TMEM178B: variants seen among roughly 807,000 people sequenced by gnomAD.
TMEM178B encodes transmembrane protein 178B.
In TMEM178B, 5 loss-of-function variants were observed where a neutral mutation model predicts 31.0. The observed-to-expected ratio is 0.16, with a 90% CI of 0.08 to 0.34. TMEM178B has a LOEUF of 0.34. Among genes scored for constraint, TMEM178B ranks in the 10% least tolerant of loss-of-function variants. The pLI, the probability that TMEM178B is intolerant of heterozygous loss-of-function variation, is 1.00. For synonymous variants in TMEM178B, 164 were observed against 164.0 expected, an observed-to-expected ratio of 1.00 and a Z score of 0.00; for missense variants, 275 against 400.3, an observed-to-expected ratio of 0.69 and a Z score of 2.67.
intron 2 of TMEM178B, among the ~76,000 whole-genome samples, chr7:141,259,413 C>T (rs888888421): frequency 4.6e-5 from 7 of 152,274 alleles, no homozygotes; most frequent in Admixed American, 1.3e-4. Flanking sequence ...TGAAGTCTGT[C>T]TGGTGATTCC....
chr7:141,247,822 T>C (rs940839795), intron 2 of TMEM178B, among the ~76,000 whole-genome samples: 4 of 152,182 alleles, frequency 2.6e-5, no homozygotes. Context: ...AGGATATACA[T>C]ATACTAAAAA....
the TMEM178B span, among the ~76,000 whole-genome samples, chr7:141,493,483 T>C: frequency 1.3e-5 from 2 of 151,820 alleles, no homozygotes; most frequent in Admixed American, 1.3e-4. Flanking sequence ...ATCCAGCTCA[T>C]GGAGAAAATA....
intron 2 of TMEM178B, among the ~76,000 whole-genome samples, chr7:141,425,392 T>C (rs893034891): frequency 2.0e-5 from 3 of 152,184 alleles, no homozygotes; most frequent in African/African-American, 7.2e-5. Flanking sequence ...ATGTGTGATA[T>C]AGGGAAGGAG....
intron 2 of TMEM178B, among the ~76,000 whole-genome samples, chr7:141,432,781 G>A (rs1434461180): frequency 6.6e-6 from 1 of 152,154 alleles, no homozygotes; most frequent in Non-Finnish European, 1.5e-5. Flanking sequence ...GCTTTTCTCA[G>A]ATATATGAAG....
intron 1 of TMEM178B, among the ~76,000 whole-genome samples, chr7:141,139,606 T>G (rs1795734207): frequency 6.6e-6 from 1 of 151,890 alleles, no homozygotes; most frequent in African/African-American, 2.4e-5. Context: ...CCTCCCAAAG[T>G]GCTGGGACTA....
intron 1 of TMEM178B, among the ~76,000 whole-genome samples, chr7:141,202,372 C>T (rs906909092): frequency 6.6e-4 from 1 of 1,522 alleles, no homozygotes; most frequent in South Asian, 9.4e-3. Flanking sequence ...GTCGGGTGGG[C>T]GGGTGGGTGA....
intron 3 of TMEM178B, among the ~76,000 whole-genome samples, chr7:141,448,714 G>T (rs1013124237): frequency 3.3e-5 from 5 of 152,136 alleles, no homozygotes; most frequent in African/African-American, 9.7e-5. Context: ...CTCCCACCTG[G>T]CCTGCCTCCA....
At chr7:141,482,321 C>T (rs1283188828), downstream of TMEM178B, among the ~76,000 whole-genome samples, 1 of 152,136 alleles carries the variant, frequency 6.6e-6, no homozygotes, top group Non-Finnish European at 1.5e-5. Flanking sequence ...TGAACACCCA[C>T]CTGGGCGAAG....
intron 2 of TMEM178B, among the ~76,000 whole-genome samples, chr7:141,215,828 TTCTTTCTTTCTTTTC>T: frequency 2.0e-5 from 1 of 48,876 alleles, no homozygotes; most frequent in African/African-American, 5.0e-5. Flanking sequence ...CTTTCTTTCT[TTCTTTCTTTCTTTTC>T]TTTTCTTTTC....
chr7:141,389,710 G>A lies in TMEM178B; in HGVS notation c.497-47898G>A, dbSNP rs780679988. Among the ~76,000 whole-genome samples, 17 of 152,238 alleles carry A rather than the reference G, an allele frequency of 1.1e-4. 1 individual carries two copies. Among genetic ancestry groups the A allele is most frequent in the South Asian group, 2.1e-4 (1 of 4,824 alleles). ...ATTGTCCTTGATCAGTGTCAAAGCCGTTATTATTAGGAGATGTCTAAATGA... is the reference window on the plus strand; with the variant it reads ...ATTGTCCTTGATCAGTGTCAAAGCCATTATTATTAGGAGATGTCTAAATGA... On this transcript the variant is annotated intron_variant, in intron 2 of 3. Transcript: ENST00000565468.
At chr7:141,451,105 C>T (rs1439105738) in intron 3 of TMEM178B, among the ~76,000 whole-genome samples, 2 of 152,146 alleles carry the variant, frequency 1.3e-5, no homozygotes, top group South Asian at 2.1e-4. Context: ...AGGAGGAAGA[C>T]AGGTCAAGAA....
At chr7:141,304,411 C>T (rs1798778966) in intron 2 of TMEM178B, among the ~76,000 whole-genome samples, 1 of 152,080 alleles carries the variant, frequency 6.6e-6, no homozygotes, top group African/African-American at 2.4e-5. Context: ...CTGTGCACTG[C>T]CTGCCACCCC....
Position 141,477,320 on chromosome 7 carries a change from A to G in TMEM178B, c.*6534A>G, listed in dbSNP as rs1802390703. On this transcript the variant is annotated 3_prime_UTR_variant, in exon 4 of 4. Coordinates refer to ENST00000565468, the MANE Select transcript of TMEM178B (RefSeq NM_001195278.2). ...GGGGAGGGAGATTGAGATTAAACAAATGCAATGATGTAGCCCTTAGTTTTC... is the reference window on the plus strand; with the variant it reads ...GGGGAGGGAGATTGAGATTAAACAAGTGCAATGATGTAGCCCTTAGTTTTC... 1 of 154,614 alleles carries G rather than the reference A, an allele frequency of 6.5e-6. No individual in the cohort carries two copies. Among genetic ancestry groups the G allele is most frequent in the African/African-American group, 2.4e-5 (1 of 41,530 alleles). 9.6% of individuals were successfully genotyped at this position (154,614 alleles called of 1,614,324 possible). A position where few individuals can be genotyped will look rare whatever the true frequency, so the allele number is the denominator to read the frequency against.
At chr7:141,323,137 A>G (rs1214472135) in intron 2 of TMEM178B, among the ~76,000 whole-genome samples, 1 of 152,188 alleles carries the variant, frequency 6.6e-6, no homozygotes, top group Non-Finnish European at 1.5e-5. Context: ...CTCTGCAGGT[A>G]GCTAAACCTT....
chr7:141,326,536 G>T (rs1269911094), intron 2 of TMEM178B, among the ~76,000 whole-genome samples: 1 of 152,162 alleles, frequency 6.6e-6, no homozygotes, highest in Non-Finnish European at 1.5e-5. Flanking sequence ...CCTGGGAATC[G>T]AATGTTCCTA....
chr7:141,365,695 T>G, intron 2 of TMEM178B, among the ~76,000 whole-genome samples: 1 of 152,232 alleles, frequency 6.6e-6, no homozygotes, highest in East Asian at 1.9e-4. Flanking sequence ...GCCCGTGTCT[T>G]CACATGACAT....
intron 1 of TMEM178B, among the ~76,000 whole-genome samples, chr7:141,084,630 A>T (rs1348010728): frequency 6.6e-6 from 1 of 152,096 alleles, no homozygotes; most frequent in Non-Finnish European, 1.5e-5. Flanking sequence ...TTGTGGATTG[A>T]TAAGGTGGAA....
chr7:141,492,574 C>T, the TMEM178B span, among the ~76,000 whole-genome samples: 4 of 152,114 alleles, frequency 2.6e-5, no homozygotes, highest in South Asian at 4.1e-4. Context: ...CTAGGAACCA[C>T]GTAGATATGG....
intron 2 of TMEM178B, among the ~76,000 whole-genome samples, chr7:141,280,056 C>T (rs1437671295): frequency 6.6e-6 from 1 of 152,208 alleles, no homozygotes; most frequent in Non-Finnish European, 1.5e-5. Context: ...CCTTCCTGGG[C>T]TCATCCTCTA....
Sources: allele counts gnomAD v4.1 joint callset (sites outside exome capture counted in the v4.1 genomes callset), GRCh38; gene constraint gnomAD v4.1.1; transcripts MANE v1.5; gene names NCBI Gene and HGNC (gene_info 2026-07-23, HGNC 2026-07-21).